ZYG11A: variants seen among roughly 807,000 people sequenced by gnomAD.
The protein encoded by ZYG11A is protein zyg-11 homolog A.
ZYG11A carries 62 observed loss-of-function variants against 77.2 expected under a neutral mutation model. The observed-to-expected ratio is 0.80, with a 90% CI of 0.65 to 0.99. ZYG11A has a LOEUF of 0.99. Ranked by LOEUF, ZYG11A falls within the 50% of genes least tolerant of loss-of-function variation. ZYG11A has a pLI of 0.00. For synonymous variants in ZYG11A, 315 were observed against 324.6 expected (o/e 0.97, Z 0.32); for missense variants, 828 against 896.8 (o/e 0.92, Z 0.98).
At chr1:52,892,529 A>T (rs972995666) in intron 13 of ZYG11A, among the ~76,000 whole-genome samples, 14 of 142,202 alleles carry the variant, frequency 9.8e-5, no homozygotes, top group Admixed American at 2.8e-4. Flanking sequence ...ACTCTGTCTC[A>T]AAAAAAAAAA....
chr1:52,846,601 A>G (rs1336061029), intron 1 of ZYG11A, among the ~76,000 whole-genome samples: 2 of 151,714 alleles, frequency 1.3e-5, no homozygotes, highest in South Asian at 2.1e-4. Context: ...CTGGCCTCCC[A>G]AAGTACTAGG....
chr1:52,850,381 T>G (rs186391473), intron 1 of ZYG11A, among the ~76,000 whole-genome samples: 3 of 147,688 alleles, frequency 2.0e-5, no homozygotes, highest in East Asian at 4.0e-4. Context: ...TGCGGTGGAG[T>G]GATCTCAGCT....
At chr1:52,886,016 T>G (rs952949125) in intron 12 of ZYG11A, 122 bp downstream of exon 12, 3 of 673,238 alleles carry the variant, frequency 4.5e-6, no homozygotes, top group African/African-American at 3.7e-5. Context: ...CACTGCAAGC[T>G]CCACCTCCCG....
chr1:52,893,795 TA>T lies in ZYG11A; in HGVS notation c.*839del, dbSNP rs1351455497. The T allele has an allele frequency of 1.4e-5, 2 of 143,010 alleles. No homozygotes were observed. Among genetic ancestry groups the T allele is most frequent in the African/African-American group, 5.4e-5 (2 of 37,072 alleles). The allele number at this position is 143,010 out of a possible 1,614,324, so 8.9% of individuals were successfully genotyped here. ...AATAGAGGGGTGGAGAAAAGAGAAATATATTTTTTTACCTTTTTTTTTTTTT... is the reference window on the plus strand; with the variant it reads ...AATAGAGGGGTGGAGAAAAGAGAAATTATTTTTTTACCTTTTTTTTTTTTT... On this transcript the variant is annotated 3_prime_UTR_variant, in exon 14 of 14. Coordinates refer to ENST00000371528, the MANE Select transcript of ZYG11A (RefSeq NM_001004339.3).
chr1:52,865,849 A>C (rs1646015384), intron 5 of ZYG11A, among the ~76,000 whole-genome samples: 1 of 152,024 alleles, frequency 6.6e-6, no homozygotes. Context: ...GGGGTGATAG[A>C]AGTATTATAT....
At chr1:52,847,876 A>T (rs866930650) in intron 1 of ZYG11A, among the ~76,000 whole-genome samples, 1,960 of 114,620 alleles carry the variant, frequency 0.017, 62 homozygotes, top group African/African-American at 0.074. Flanking sequence ...TTATTTATTT[A>T]TTTATTTTTT....
In ZYG11A at chr1:52,842,914, C is replaced by G; in HGVS notation, c.31C>G (p.Pro11Ala). The change falls in exon 1 of 14, where the codon CCC becomes GCC. Residue 11 changes from proline to alanine, a missense_variant. By Grantham distance (27) the Pro-to-Ala change is conservative. Coordinates refer to ENST00000371528, the MANE Select transcript of ZYG11A (RefSeq NM_001004339.3). MVHFLHPGHT[P>A]RNIVPPDAQK... ...TCATTTCTTGCACCCGGGCCACACGCCCCGGAACATCGTCCCTCCTGACGC... is the reference window on the plus strand; with the variant it reads ...TCATTTCTTGCACCCGGGCCACACGGCCCGGAACATCGTCCCTCCTGACGC... The G allele has an allele frequency of 3.3e-6, 5 of 1,530,694 alleles. No homozygotes were observed. Among genetic ancestry groups the G allele is most frequent in the South Asian group, 1.2e-5 (1 of 81,628 alleles). 94.8% of individuals were successfully genotyped at this position (1,530,694 alleles called of 1,614,324 possible). A position where few individuals can be genotyped will look rare whatever the true frequency, so the allele number is the denominator to read the frequency against.
In ZYG11A at chr1:52,857,322, A is replaced by G. The variant is rs914277206; in HGVS notation, c.581A>G (p.His194Arg). The change falls in exon 3 of 14, where the codon CAT (histidine) becomes CGT (arginine). Residue 194 changes from histidine (H) to arginine (R), a missense_variant. His to Arg is a conservative substitution (Grantham distance 29). Coordinates refer to ENST00000371528, the MANE Select transcript of ZYG11A (RefSeq NM_001004339.3). ...RILSVFNVCF[H>R]TEDLANVSQL... The stretch of plus-strand genomic sequence containing the variant: ...TTAAGTGTTTTTAATGTTTGTTTTC[A>G]TACTGAAGACCTGGCTAATGTTTCT... 27 of 1,551,774 alleles carry G rather than the reference A, an allele frequency of 1.7e-5. No individual in the cohort carries two copies. The highest frequency in any genetic ancestry group is 2.4e-5 in the East Asian group (1 of 40,938).
intron 8 of ZYG11A, among the ~76,000 whole-genome samples, chr1:52,869,278 GGTGTTTCTCGCAGA>G (rs1646092087): frequency 7.2e-6 from 1 of 139,650 alleles, no homozygotes; most frequent in African/African-American, 2.7e-5. Context: ...ATCATTCTTG[GGTGTTTCTCGCAGA>G]GGGGGATTTG....
At chr1:52,870,676 C>T (rs112338937) in intron 8 of ZYG11A, among the ~76,000 whole-genome samples, 2,822 of 152,332 alleles carry the variant, frequency 0.019, 57 homozygotes, top group African/African-American at 0.063. Context: ...CCGGCCAACA[C>T]AGTGAAACCC....
intron 2 of ZYG11A, among the ~76,000 whole-genome samples, chr1:52,855,774 T>C (rs1322194677): frequency 6.6e-6 from 1 of 152,266 alleles, no homozygotes; most frequent in Admixed American, 6.5e-5. Context: ...TTCTACTGTA[T>C]GGACATACCA....
At chr1:52,864,767 C>G (rs1186376246) in intron 5 of ZYG11A, among the ~76,000 whole-genome samples, 1 of 151,816 alleles carries the variant, frequency 6.6e-6, no homozygotes, top group South Asian at 2.1e-4. Context: ...ACCTCAGCCT[C>G]CCGAGTATCT....
chr1:52,866,935 A>G (rs1227199655), intron 6 of ZYG11A, among the ~76,000 whole-genome samples: 1 of 152,132 alleles, frequency 6.6e-6, no homozygotes. Context: ...AATATTAGTA[A>G]TTTATTCATT....
At chr1:52,887,197 T>C (rs566639152) in intron 13 of ZYG11A, 144 bp downstream of exon 13, 3 of 403,416 alleles carry the variant, frequency 7.4e-6, no homozygotes, top group Admixed American at 7.5e-5. Context: ...AAAAAAGATA[T>C]TACTAGCTTA....
chr1:52,889,861 G>A (rs1241575707), intron 13 of ZYG11A, among the ~76,000 whole-genome samples: 2 of 151,414 alleles, frequency 1.3e-5, no homozygotes, highest in Non-Finnish European at 1.5e-5. Flanking sequence ...ACAGGCGCCC[G>A]CCACCATGCC....
chr1:52,892,474 A>G (rs1425927216), intron 13 of ZYG11A, among the ~76,000 whole-genome samples: 1 of 151,196 alleles, frequency 6.6e-6, no homozygotes, highest in Non-Finnish European at 1.5e-5. Context: ...GTTGCAGTGA[A>G]CCGAGATTGC....
chr1:52,862,419 C>A, intron 4 of ZYG11A, among the ~76,000 whole-genome samples: 1 of 149,962 alleles, frequency 6.7e-6, no homozygotes, highest in African/African-American at 2.4e-5. Flanking sequence ...TCACACCATT[C>A]TCCTGCCTCA....
chr1:52,881,494 GCT>G lies in ZYG11A; in HGVS notation c.1778_1779del (p.Ser593PhefsTer18). The G allele has an allele frequency of 6.4e-7, 1 of 1,551,112 alleles. No individual in the cohort carries two copies. The highest frequency in any genetic ancestry group is 8.7e-7 in the Non-Finnish European group (1 of 1,146,684). On this transcript the variant is annotated frameshift_variant, in exon 11 of 14. Transcript: ENST00000371528. LOFTEE classifies it high-confidence loss of function. Reference protein sequence around the residue: ...LLNNIAEVRELSSKLVTEDVL... With the variant: ...LLNNIAEVREXSSKLVTEDVL... ...AGAACAACATAGCAGAAGTCAGAGAGCTCTCTTCCAAGCTGGTGACCGAAGAT... is the reference window on the plus strand; with the variant it reads ...AGAACAACATAGCAGAAGTCAGAGAGCTCTTCCAAGCTGGTGACCGAAGAT...
intron 4 of ZYG11A, among the ~76,000 whole-genome samples, chr1:52,863,605 TCA>T (rs1470735039): frequency 6.6e-6 from 1 of 152,246 alleles, no homozygotes; most frequent in African/African-American, 2.4e-5. Context: ...TTGGCATTTC[TCA>T]CAGTGTTATT....
Sources: gnomAD v4.1 joint callset for allele counts (sites outside exome capture counted in the v4.1 genomes callset) on GRCh38, gnomAD v4.1.1 for gene constraint, MANE v1.5 for transcripts, NCBI Gene and HGNC (gene_info 2026-07-23, HGNC 2026-07-21) for gene names.